The following CPQ variants were observed in gnomAD, a reference collection of about 807,000 sequenced individuals.
CPQ encodes Ser-Met dipeptidase.
A neutral mutation model predicts 45.7 loss-of-function variants in CPQ; 37 were observed. That is an observed-to-expected ratio of 0.81 (90% CI 0.62 to 1.07). The LOEUF (loss-of-function observed/expected upper bound fraction) is 1.07. CPQ is among the 50% of genes least tolerant of loss of function. CPQ has a pLI of 0.00. For missense variants in CPQ, 537 were observed against 572.9 expected (o/e 0.94, Z 0.64); for synonymous variants, 186 against 205.8 (o/e 0.90, Z 0.82).
intron 3 of CPQ, among the ~76,000 whole-genome samples, chr8:96,840,345 T>G (rs1354860150): frequency 6.6e-6 from 1 of 152,100 alleles, no homozygotes; most frequent in African/African-American, 2.4e-5. Flanking sequence ...TTAGGCAGTT[T>G]TAAGTCTAAT....
intron 3 of CPQ, among the ~76,000 whole-genome samples, chr8:96,869,258 CT>C (rs1388389395): frequency 6.6e-6 from 1 of 151,984 alleles, no homozygotes; most frequent in East Asian, 1.9e-4. Flanking sequence ...ATTTGGAAGG[CT>C]GCCAAATGCT....
chr8:97,097,999 C>T (rs1294176146), intron 7 of CPQ, among the ~76,000 whole-genome samples: 4 of 152,162 alleles, frequency 2.6e-5, no homozygotes, highest in African/African-American at 9.7e-5. Flanking sequence ...ATTTGTTGAA[C>T]ATACAGCATT....
intron 3 of CPQ, among the ~76,000 whole-genome samples, chr8:96,852,547 G>A (rs1056141553): frequency 1.2e-4 from 18 of 152,088 alleles, no homozygotes; most frequent in South Asian, 2.1e-4. Flanking sequence ...ATCCCATCTC[G>A]CCCTCTTCCT....
intron 7 of CPQ, among the ~76,000 whole-genome samples, chr8:97,099,053 T>C (rs780296234): frequency 2.3e-4 from 35 of 150,040 alleles, no homozygotes; most frequent in Non-Finnish European, 4.9e-4. Flanking sequence ...TTTAAAGCAT[T>C]CAAGATGCTA....
chr8:96,711,270 A>T (rs1482437881), intron 1 of CPQ, among the ~76,000 whole-genome samples: 1 of 152,130 alleles, frequency 6.6e-6, no homozygotes, highest in Non-Finnish European at 1.5e-5. Context: ...TGATTTTTTT[A>T]AAATCCATTC....
At chr8:96,880,535 A>G (rs1586436482) in intron 4 of CPQ, among the ~76,000 whole-genome samples, 1 of 10,194 alleles carries the variant, frequency 9.8e-5, no homozygotes. Context: ...ATATATATAT[A>G]TATATATATA....
intron 6 of CPQ, among the ~76,000 whole-genome samples, chr8:97,040,755 G>T (rs1036001350): frequency 2.6e-5 from 4 of 152,242 alleles, no homozygotes; most frequent in Middle Eastern, 3.4e-3. Context: ...TTTCCCCATT[G>T]CTTGTTTTTC....
intron 6 of CPQ, among the ~76,000 whole-genome samples, chr8:97,046,892 T>A (rs1270423578): frequency 6.6e-6 from 1 of 152,228 alleles, no homozygotes; most frequent in East Asian, 1.9e-4. Context: ...GAAAGGAACA[T>A]AATAGTAGAC....
At chr8:97,062,539 TGA>T (rs750892314) in intron 6 of CPQ, among the ~76,000 whole-genome samples, 11 of 152,178 alleles carry the variant, frequency 7.2e-5, no homozygotes, top group Admixed American at 7.2e-4. Context: ...ACTTGCCTCC[TGA>T]GAGTTTGTTG....
chr8:96,675,500 ACTTTT>A (rs1350992148), intron 1 of CPQ, among the ~76,000 whole-genome samples: 1 of 152,054 alleles, frequency 6.6e-6, no homozygotes, highest in Non-Finnish European at 1.5e-5. Context: ...ACTATTCCTA[ACTTTT>A]CCTATTACAA....
At chr8:96,883,506 C>A (rs1475201779) in intron 4 of CPQ, among the ~76,000 whole-genome samples, 1 of 152,090 alleles carries the variant, frequency 6.6e-6, no homozygotes, top group East Asian at 1.9e-4. Flanking sequence ...AACAAAACTT[C>A]TTCCACAAAG....
intron 7 of CPQ, among the ~76,000 whole-genome samples, chr8:97,140,712 A>C (rs1044412307): frequency 6.6e-6 from 1 of 152,064 alleles, no homozygotes; most frequent in African/African-American, 2.4e-5. Flanking sequence ...ATGATTCTAA[A>C]ATTTATCTGA....
intron 6 of CPQ, among the ~76,000 whole-genome samples, chr8:97,058,089 G>T (rs1810484705): frequency 6.6e-6 from 1 of 152,090 alleles, no homozygotes; most frequent in Non-Finnish European, 1.5e-5. Context: ...ATCAAATAAG[G>T]CATATGGGGA....
intron 1 of CPQ, among the ~76,000 whole-genome samples, chr8:96,691,263 C>T (rs917419947): frequency 6.6e-6 from 1 of 152,188 alleles, no homozygotes; most frequent in Non-Finnish European, 1.5e-5. Context: ...ATCTCTGCCT[C>T]AGTCTTTATA....
rs539704877 is a variant in CPQ at position 97,044,922 on chromosome 8, TG to T, written c.1053+15434del. 2.9e-3 allele frequency among the ~76,000 whole-genome samples: 441 copies of T among 152,278 alleles called. 1 individual carries two copies. The highest frequency in any genetic ancestry group is 9.1e-3 in the African/African-American group (378 of 41,556). On this transcript the variant is annotated intron_variant, in intron 6 of 7. Transcript: ENST00000220763. ...GGGGGGTGCCTCCCAGTTAGGCTGC[TG>T]GGGGGTCAGGGGTCAGGGACCCACT... is the stretch of plus-strand genomic sequence containing the variant.
intron 4 of CPQ, among the ~76,000 whole-genome samples, chr8:96,895,711 G>A (rs569204030): frequency 6.6e-6 from 1 of 152,240 alleles, no homozygotes; most frequent in East Asian, 1.9e-4. Context: ...GACCACTGTG[G>A]CCATGTGCCC....
chr8:96,737,301 A>G (rs1308561454), intron 1 of CPQ, among the ~76,000 whole-genome samples: 1 of 144,442 alleles, frequency 6.9e-6, no homozygotes, highest in East Asian at 2.0e-4. Flanking sequence ...CACATACAAA[A>G]CTAATAGGAT....
At chr8:97,059,481 C>T (rs962071139) in intron 6 of CPQ, among the ~76,000 whole-genome samples, 3 of 152,118 alleles carry the variant, frequency 2.0e-5, no homozygotes, top group Non-Finnish European at 4.4e-5. Flanking sequence ...CCCTTGGGTG[C>T]CCAAAGCTGT....
chr8:96,831,120 T>C (rs997983889), intron 2 of CPQ, among the ~76,000 whole-genome samples: 1 of 152,190 alleles, frequency 6.6e-6, no homozygotes. Context: ...ATTCTACCTA[T>C]AGAAATATGC....
Sources: allele counts gnomAD v4.1 joint callset (sites outside exome capture counted in the v4.1 genomes callset), GRCh38; gene constraint gnomAD v4.1.1; transcripts MANE v1.5; gene names NCBI Gene and HGNC (gene_info 2026-07-23, HGNC 2026-07-21).